Variants in NCOA3 observed in about 807,000 individuals in gnomAD.
NCOA3 encodes nuclear receptor coactivator 3.
NCOA3 carries 51 observed loss-of-function variants against 158.8 expected under a neutral mutation model. That is an observed-to-expected ratio of 0.32 (90% CI 0.26 to 0.41). The LOEUF is 0.41. Among genes scored for constraint, NCOA3 ranks in the 10% least tolerant of loss-of-function variants. The pLI is 1.00. For synonymous variants in NCOA3, 537 were observed against 592.4 expected, an observed-to-expected ratio of 0.91 and a Z score of 1.36; for missense variants, 1,510 against 1,746.6, an observed-to-expected ratio of 0.86 and a Z score of 2.41.
chr20:47,608,171 C>T (rs1175108236), intron 2 of NCOA3, among the ~76,000 whole-genome samples: 2 of 152,158 alleles, frequency 1.3e-5, no homozygotes, highest in Middle Eastern at 3.4e-3. Flanking sequence ...ATTAGCCGGG[C>T]ATGGTGGCGG....
At chr20:47,638,378 C>G (rs1356065010) in intron 13 of NCOA3, among the ~76,000 whole-genome samples, 2 of 152,150 alleles carry the variant, frequency 1.3e-5, no homozygotes, top group Non-Finnish European at 2.9e-5. Flanking sequence ...CCACTGCACT[C>G]CAGCCTGGGT....
At chr20:47,643,464 C>A (rs555391498) in intron 17 of NCOA3, among the ~76,000 whole-genome samples, 1 of 152,232 alleles carries the variant, frequency 6.6e-6, no homozygotes, top group Non-Finnish European at 1.5e-5. Flanking sequence ...TATACTCCAA[C>A]AGAAGTATAG....
chr20:47,578,360 A>G (rs2085403576), intron 1 of NCOA3, among the ~76,000 whole-genome samples: 1 of 151,960 alleles, frequency 6.6e-6, no homozygotes, highest in Non-Finnish European at 1.5e-5. Context: ...TACTTTTTGT[A>G]TTTTTAGTAG....
intron 22 of NCOA3, 32 bp downstream of exon 22, chr20:47,653,104 A>T: frequency 1.9e-6 from 3 of 1,612,234 alleles, no homozygotes; most frequent in Non-Finnish European, 2.5e-6. Flanking sequence ...TTTTTCAAAA[A>T]GTTTTTCTTG....
chr20:47,560,783 C>A (rs1252055500), intron 1 of NCOA3, among the ~76,000 whole-genome samples: 1 of 151,878 alleles, frequency 6.6e-6, no homozygotes, highest in African/African-American at 2.4e-5. Flanking sequence ...AATGTAAATT[C>A]TCGATGTGTT....
chr20:47,608,275 C>T (rs2085980180), intron 2 of NCOA3, among the ~76,000 whole-genome samples: 1 of 152,050 alleles, frequency 6.6e-6, no homozygotes, highest in Non-Finnish European at 1.5e-5. Flanking sequence ...TGCGGCATTG[C>T]ACTCCAGCCC....
At chr20:47,598,178 C>T (rs1399508820) in intron 2 of NCOA3, among the ~76,000 whole-genome samples, 7 of 131,804 alleles carry the variant, frequency 5.3e-5, no homozygotes, top group East Asian at 5.1e-4. Context: ...ATGTGGGAGG[C>T]GGAGCTTGCA....
rs1430110457 is a variant in NCOA3, at chr20:47,636,279, C to T, written c.1893C>T (p.Asp631=). ...LLQLLTCSSD[D]RGHSSLTNSP... ...AGTTACTTACCTGTTCTTCTGATGA[C>T]CGGGGTCATTCCTCCTTGACCAACT... The change falls in exon 12 of 23, where the codon GAC becomes GAT. Residue 631 remains aspartate (D), a synonymous_variant. Transcript: ENST00000371998. 2 of 1,614,172 alleles carry T rather than the reference C, an allele frequency of 1.2e-6. No homozygotes were observed. Among genetic ancestry groups the T allele is most frequent in the South Asian group, 1.1e-5 (1 of 91,084 alleles).
At chr20:47,543,665 A>G (rs1328749410) in intron 1 of NCOA3, among the ~76,000 whole-genome samples, 1 of 151,916 alleles carries the variant, frequency 6.6e-6, no homozygotes. Flanking sequence ...GCGCACCACC[A>G]CGCCTGGCTC....
intron 16 of NCOA3, among the ~76,000 whole-genome samples, chr20:47,640,647 G>A (rs926493061): frequency 2.6e-5 from 4 of 151,558 alleles, no homozygotes; most frequent in Admixed American, 2.6e-4. Context: ...TTGGGAGGCC[G>A]AGGCGGGCAG....
At chr20:47,608,461 G>A (rs2085985791) in intron 2 of NCOA3, among the ~76,000 whole-genome samples, 1 of 151,760 alleles carries the variant, frequency 6.6e-6, no homozygotes, top group Admixed American at 6.6e-5. Context: ...AACATAGCAA[G>A]ACCTGGTCTG....
intron 5 of NCOA3, among the ~76,000 whole-genome samples, chr20:47,625,729 A>G (rs751566779): frequency 5.3e-5 from 8 of 152,172 alleles, no homozygotes; most frequent in Admixed American, 2.0e-4. Flanking sequence ...ATATACAAAC[A>G]TAAAAATATA....
chr20:47,511,235 TTTTCTTTC>T (rs373100447), intron 1 of NCOA3, among the ~76,000 whole-genome samples: 4 of 149,234 alleles, frequency 2.7e-5, no homozygotes, highest in Non-Finnish European at 5.9e-5. Flanking sequence ...GATTTAAACA[TTTTCTTTC>T]TTTCTTTCTT....
At chr20:47,578,616 TAC>T (rs2085407679) in intron 1 of NCOA3, among the ~76,000 whole-genome samples, 1 of 152,266 alleles carries the variant, frequency 6.6e-6, no homozygotes, top group Admixed American at 6.5e-5. Context: ...TGATCAAAGA[TAC>T]TTATCACTTG....
chr20:47,648,718 G>C (rs1244815748), intron 18 of NCOA3, among the ~76,000 whole-genome samples: 1 of 151,924 alleles, frequency 6.6e-6, no homozygotes, highest in Non-Finnish European at 1.5e-5. Flanking sequence ...GCCCACCTCA[G>C]CCTCTCAAAG....
Position 47,642,269 on chromosome 20 carries a change from G to T in NCOA3, c.3137G>T (p.Gly1046Val). The change falls in exon 17 of 23, where the codon GGC becomes GTC. Residue 1046 changes from glycine to valine, a missense_variant. Gly to Val is a moderately radical substitution (Grantham distance 109). Transcript: ENST00000371998. ...DLVGPPSNLEGQSDERALLDQ... is the reference protein window; with the variant it reads ...DLVGPPSNLEVQSDERALLDQ... ...GTTGGGCCACCTTCCAACCTGGAAGGCCAGAGTGACGAAAGAGCATTATTG... is the reference window on the plus strand; with the variant it reads ...GTTGGGCCACCTTCCAACCTGGAAGTCCAGAGTGACGAAAGAGCATTATTG... 1 of 1,612,284 alleles carries T rather than the reference G, an allele frequency of 6.2e-7. No individual in the cohort carries two copies. The highest frequency in any genetic ancestry group is 8.5e-7 in the Non-Finnish European group (1 of 1,179,432).
chr20:47,619,718 A>C (rs1287741364), intron 2 of NCOA3, among the ~76,000 whole-genome samples: 1 of 152,136 alleles, frequency 6.6e-6, no homozygotes, highest in East Asian at 1.9e-4. Context: ...CCTTTGAATG[A>C]AACAAATATA....
intron 12 of NCOA3, among the ~76,000 whole-genome samples, chr20:47,637,355 A>T (rs916078404): frequency 6.6e-6 from 1 of 152,200 alleles, no homozygotes; most frequent in Non-Finnish European, 1.5e-5. Flanking sequence ...CTAATTATCA[A>T]TGCACTGCTA....
At chr20:47,614,407 T>A (rs567870850) in intron 2 of NCOA3, among the ~76,000 whole-genome samples, 26 of 152,342 alleles carry the variant, frequency 1.7e-4, no homozygotes, top group African/African-American at 6.3e-4. Flanking sequence ...ACTTGAGCAG[T>A]CTCTGCTTTT....
Sources: gnomAD v4.1 joint callset for allele counts (sites outside exome capture counted in the v4.1 genomes callset) on GRCh38, gnomAD v4.1.1 for gene constraint, MANE v1.5 for transcripts, NCBI Gene and HGNC (gene_info 2026-07-23, HGNC 2026-07-21) for gene names.